MACROD2: variants seen among roughly 807,000 people sequenced by gnomAD.
The protein encoded by MACROD2 is mono-ADP ribosylhydrolase 2.
In MACROD2, 36 loss-of-function variants were observed where a neutral mutation model predicts 70.4. That is an observed-to-expected ratio of 0.51 (90% CI 0.39 to 0.68). MACROD2 has a LOEUF of 0.68. Among genes scored for constraint, MACROD2 ranks in the 30% least tolerant of loss-of-function variants. The probability of loss-of-function intolerance (pLI) is 0.00; values close to 1 mark genes in which losing one functional copy is unlikely to be tolerated. For synonymous variants in MACROD2, 172 were observed against 178.8 expected (o/e 0.96, Z 0.30); for missense variants, 496 against 538.4 (o/e 0.92, Z 0.78).
chr20:15,993,268 GTA>G (rs1491019409), intron 15 of MACROD2, among the ~76,000 whole-genome samples: 17 of 136,262 alleles, frequency 1.2e-4, no homozygotes, highest in African/African-American at 4.3e-4. Flanking sequence ...GTGTGTGTGT[GTA>G]TAAAATCCAT....
At position 14,142,058 on chromosome 20, in the gene MACROD2, A is replaced by T. The variant is rs1421757744; in HGVS notation, c.271+56330A>T. 2.0e-5 allele frequency among the ~76,000 whole-genome samples: 3 copies of T among 152,172 alleles called. No homozygotes were observed. In the East Asian group the frequency reaches 5.8e-4, roughly 29 times the overall value. ...AAATTGAGGCACAGACAATCTAAAA[A>T]CTTGCCCAAGGTCACATTGCTGGTA... is the stretch of plus-strand genomic sequence containing the variant. On this transcript the variant is annotated intron_variant, in intron 3 of 17. Transcript: ENST00000684519.
At chr20:15,934,416 C>G (rs987711166) in intron 11 of MACROD2, among the ~76,000 whole-genome samples, 1 of 152,158 alleles carries the variant, frequency 6.6e-6, no homozygotes, top group Non-Finnish European at 1.5e-5. Context: ...GTGACTGGGT[C>G]GGCCGGCGTC....
chr20:14,823,585 G>A (rs1490332036), intron 5 of MACROD2, among the ~76,000 whole-genome samples: 1 of 152,030 alleles, frequency 6.6e-6, no homozygotes, highest in Non-Finnish European at 1.5e-5. Context: ...GAAAAGCGAA[G>A]TGGGAAACCA....
At chr20:14,203,761 C>T (rs888626770) in intron 3 of MACROD2, among the ~76,000 whole-genome samples, 3 of 152,184 alleles carry the variant, frequency 2.0e-5, no homozygotes, top group Admixed American at 2.0e-4. Context: ...GGTCCTTAGG[C>T]ACCCATGGTG....
intron 5 of MACROD2, among the ~76,000 whole-genome samples, chr20:15,219,001 G>C (rs175271): frequency 6.6e-6 from 1 of 151,746 alleles, no homozygotes; most frequent in African/African-American, 2.4e-5. Flanking sequence ...ATCCGAGATA[G>C]CGCCACTGCA....
At chr20:15,607,136 C>T (rs1460212799) in intron 8 of MACROD2, among the ~76,000 whole-genome samples, 1 of 152,094 alleles carries the variant, frequency 6.6e-6, no homozygotes, top group African/African-American at 2.4e-5. Context: ...GGCAACATAG[C>T]AAGACCTAAT....
intron 8 of MACROD2, among the ~76,000 whole-genome samples, chr20:15,528,017 C>A (rs774489673): frequency 1.1e-4 from 17 of 152,184 alleles, no homozygotes; most frequent in Non-Finnish European, 1.6e-4. Flanking sequence ...TCTCCAGTAC[C>A]TAGAATAATG....
chr20:15,190,299 CTGGG>C (rs2076561853), intron 5 of MACROD2, among the ~76,000 whole-genome samples: 1 of 152,084 alleles, frequency 6.6e-6, no homozygotes, highest in Non-Finnish European at 1.5e-5. Flanking sequence ...GAAAGGAGTG[CTGGG>C]TGATAATACA....
chr20:15,375,148 A>G (rs1385760708), intron 6 of MACROD2, among the ~76,000 whole-genome samples: 1 of 152,180 alleles, frequency 6.6e-6, no homozygotes, highest in African/African-American at 2.4e-5. Context: ...CAACCAAATT[A>G]TTTAACTCAG....
At chr20:14,443,318 G>A (rs1286193327) in intron 3 of MACROD2, among the ~76,000 whole-genome samples, 4 of 144,900 alleles carry the variant, frequency 2.8e-5, no homozygotes, top group Admixed American at 2.0e-4. Flanking sequence ...TTTTTTTGAG[G>A]CAGTGTCTTG....
chr20:15,601,340 C>A (rs1282948318), intron 8 of MACROD2, among the ~76,000 whole-genome samples: 1 of 152,128 alleles, frequency 6.6e-6, no homozygotes, highest in Non-Finnish European at 1.5e-5. Context: ...AAAGCCTGAA[C>A]AGTTCAAAAC....
chr20:13,998,099 T>G (rs1457067689), intron 1 of MACROD2, among the ~76,000 whole-genome samples: 1 of 152,190 alleles, frequency 6.6e-6, no homozygotes, highest in East Asian at 1.9e-4. Context: ...CTTAATTGCT[T>G]GGTTCACAGA....
chr20:14,566,274 G>T (rs1979794858), intron 4 of MACROD2, among the ~76,000 whole-genome samples: 2 of 151,880 alleles, frequency 1.3e-5, no homozygotes, highest in Non-Finnish European at 2.9e-5. Flanking sequence ...ATATGCTTCT[G>T]CATTAGTATT....
At chr20:15,985,654 TCAG>T (rs2066470077) in intron 13 of MACROD2, 5 of 152,590 alleles carry the variant, frequency 3.3e-5, no homozygotes, top group African/African-American at 1.2e-4. Flanking sequence ...ATCCTGTCAC[TCAG>T]GCTGGCCGGA....
chr20:15,553,325 A>T, intron 8 of MACROD2, among the ~76,000 whole-genome samples: 1 of 152,274 alleles, frequency 6.6e-6, no homozygotes, highest in Non-Finnish European at 1.5e-5. Flanking sequence ...GCTATGCTAG[A>T]GGAAGTCCCA....
chr20:15,099,961 GAA>G (rs528953317), intron 5 of MACROD2, among the ~76,000 whole-genome samples: 1 of 150,564 alleles, frequency 6.6e-6, no homozygotes, highest in Admixed American at 6.6e-5. Flanking sequence ...AAAAGAAAAA[GAA>G]AAAAAAAGAA....
At chr20:14,724,808 T>C (rs2071508905) in intron 5 of MACROD2, among the ~76,000 whole-genome samples, 1 of 151,972 alleles carries the variant, frequency 6.6e-6, no homozygotes, top group South Asian at 2.1e-4. Context: ...AGAAAGGAGA[T>C]GGGGTTTTAT....
At chr20:15,758,431 G>T (rs539957679) in intron 8 of MACROD2, among the ~76,000 whole-genome samples, 2 of 151,510 alleles carry the variant, frequency 1.3e-5, no homozygotes, top group East Asian at 3.9e-4. Context: ...GTAGACACGG[G>T]GTTTCACCAT....
intron 8 of MACROD2, among the ~76,000 whole-genome samples, chr20:15,760,588 G>A (rs1020224222): frequency 2.0e-5 from 3 of 152,182 alleles, no homozygotes; most frequent in Non-Finnish European, 2.9e-5. Flanking sequence ...AATAGGTCAT[G>A]CATCTCTGGG....
Sources: allele counts gnomAD v4.1 joint callset (sites outside exome capture counted in the v4.1 genomes callset), GRCh38; gene constraint gnomAD v4.1.1; transcripts MANE v1.5; gene names NCBI Gene and HGNC (gene_info 2026-07-23, HGNC 2026-07-21).